The following CTNNA3 variants were observed in gnomAD, a reference collection of about 807,000 sequenced individuals.
The protein encoded by CTNNA3 is catenin alpha-3.
In CTNNA3, 76 loss-of-function variants were observed where a neutral mutation model predicts 95.7. The ratio of observed to expected loss-of-function variants is 0.79; its 90% CI spans 0.66 to 0.96. CTNNA3 has a LOEUF of 0.96. Among genes scored for constraint, CTNNA3 ranks in the 40% least tolerant of loss-of-function variants. The pLI, the probability that CTNNA3 is intolerant of heterozygous loss-of-function variation, is 0.00. For synonymous variants in CTNNA3, 431 were observed against 374.4 expected (o/e 1.15, Z -1.74); for missense variants, 1,191 against 1,089.8 (o/e 1.09, Z -1.31).
chr10:67,067,865 C>T (rs1228869704), intron 7 of CTNNA3, among the ~76,000 whole-genome samples: 2 of 152,088 alleles, frequency 1.3e-5, no homozygotes, highest in African/African-American at 4.8e-5. Context: ...ATATGACAAA[C>T]GCTTGGCTGA....
chr10:67,516,683 G>A (rs1839827449), intron 5 of CTNNA3, among the ~76,000 whole-genome samples: 1 of 152,060 alleles, frequency 6.6e-6, no homozygotes, highest in Non-Finnish European at 1.5e-5. Context: ...ATCATCACTC[G>A]TGCTGTTTAT....
intron 5 of CTNNA3, among the ~76,000 whole-genome samples, chr10:67,444,637 G>A (rs919760195): frequency 6.6e-6 from 1 of 151,822 alleles, no homozygotes; most frequent in East Asian, 1.9e-4. Flanking sequence ...AAACAAAATT[G>A]ACAAACTTTT....
chr10:67,352,282 C>T (rs1335961547), intron 5 of CTNNA3, among the ~76,000 whole-genome samples: 1 of 151,880 alleles, frequency 6.6e-6, no homozygotes, highest in African/African-American at 2.4e-5. Flanking sequence ...AAATAGAAAG[C>T]TGCATGATTT....
chr10:66,752,231 T>TAAAC (rs1343353901), intron 9 of CTNNA3, among the ~76,000 whole-genome samples: 1 of 152,060 alleles, frequency 6.6e-6, no homozygotes, highest in Non-Finnish European at 1.5e-5. Context: ...CAATCTTGAA[T>TAAAC]AAATGGTAGA....
chr10:67,119,451 C>T (rs771117255), intron 7 of CTNNA3, among the ~76,000 whole-genome samples: 5 of 151,744 alleles, frequency 3.3e-5, no homozygotes, highest in South Asian at 2.1e-4. Flanking sequence ...AGACTTGCAG[C>T]GAAAAGCAAA....
chr10:66,135,233 C>G (rs1028897391), intron 13 of CTNNA3, among the ~76,000 whole-genome samples: 1 of 152,086 alleles, frequency 6.6e-6, no homozygotes, highest in Non-Finnish European at 1.5e-5. Context: ...TTCTTCACTA[C>G]AAGGAACTAG....
intron 5 of CTNNA3, among the ~76,000 whole-genome samples, chr10:67,390,447 T>A (rs1451645740): frequency 6.6e-6 from 1 of 152,112 alleles, no homozygotes; most frequent in Non-Finnish European, 1.5e-5. Context: ...CAGGACCAGA[T>A]GTATTCACAG....
chr10:66,617,580 T>A (rs1844568531), intron 10 of CTNNA3, among the ~76,000 whole-genome samples: 1 of 152,094 alleles, frequency 6.6e-6, no homozygotes, highest in Admixed American at 6.6e-5. Context: ...AAGAGCTATC[T>A]ATGACAAACC....
rs1055592964 is a variant in CTNNA3, at chr10:66,237,013, T to C, written c.1884+43457A>G. Among the ~76,000 whole-genome samples the C allele has an allele frequency of 7.2e-5, 11 of 152,108 alleles. No individual in the cohort carries two copies. In the East Asian group the frequency reaches 1.9e-3, roughly 27 times the overall value. On this transcript the variant is annotated intron_variant, in intron 13 of 17. Coordinates refer to ENST00000433211, the MANE Select transcript of CTNNA3 (RefSeq NM_013266.4). ...GCATGGTGATCCACACCTGTATTCTTAGCTACTCAGGAAGCTAAGGCAAGA... is the reference window on the plus strand; with the variant it reads ...GCATGGTGATCCACACCTGTATTCTCAGCTACTCAGGAAGCTAAGGCAAGA...
intron 5 of CTNNA3, among the ~76,000 whole-genome samples, chr10:67,354,463 T>C (rs1332443418): frequency 3.9e-5 from 6 of 152,054 alleles, no homozygotes; most frequent in Non-Finnish European, 7.4e-5. Flanking sequence ...AATTATTCAT[T>C]TACATTTTTT....
intron 9 of CTNNA3, among the ~76,000 whole-genome samples, chr10:66,671,304 T>C (rs1295093209): frequency 6.6e-6 from 1 of 152,178 alleles, no homozygotes; most frequent in Non-Finnish European, 1.5e-5. Context: ...ATTAATTTTG[T>C]ACAATTGCTG....
chr10:67,564,542 G>A, intron 3 of CTNNA3, among the ~76,000 whole-genome samples: 1 of 144,094 alleles, frequency 6.9e-6, no homozygotes. Flanking sequence ...TACCTAATGT[G>A]AATGATGAGT....
intron 13 of CTNNA3, among the ~76,000 whole-genome samples, chr10:66,181,357 C>G (rs2086027817): frequency 6.6e-6 from 1 of 152,162 alleles, no homozygotes; most frequent in African/African-American, 2.4e-5. Flanking sequence ...AAATGTAACA[C>G]AGTTTCAGAA....
At chr10:67,378,422 C>A (rs1251824620) in intron 5 of CTNNA3, among the ~76,000 whole-genome samples, 1 of 152,080 alleles carries the variant, frequency 6.6e-6, no homozygotes, top group South Asian at 2.1e-4. Context: ...GTGTAGAACA[C>A]TATTAACAAA....
intron 12 of CTNNA3, among the ~76,000 whole-genome samples, chr10:66,300,725 G>GA (rs201261425): frequency 6.3e-4 from 92 of 146,624 alleles, no homozygotes; most frequent in African/African-American, 1.4e-3. Context: ...GTATATATGA[G>GA]AAAAAAAAAA....
chr10:67,175,686 C>A (rs1048605001), intron 7 of CTNNA3, among the ~76,000 whole-genome samples: 1 of 152,120 alleles, frequency 6.6e-6, no homozygotes, highest in African/African-American at 2.4e-5. Flanking sequence ...CCCCTATAGT[C>A]ATGTATCACC....
chr10:66,256,531 C>A (rs1391475491), intron 13 of CTNNA3, among the ~76,000 whole-genome samples: 1 of 151,936 alleles, frequency 6.6e-6, no homozygotes, highest in African/African-American at 2.4e-5. Flanking sequence ...ACCAGCCTGG[C>A]CAACATGGAG....
intron 7 of CTNNA3, among the ~76,000 whole-genome samples, chr10:67,135,390 AC>A (rs1229019746): frequency 6.6e-6 from 1 of 152,172 alleles, no homozygotes; most frequent in Non-Finnish European, 1.5e-5. Context: ...CAATGGACAT[AC>A]AGGTAAGTCA....
chr10:66,590,057 G>A (rs1843495989), intron 10 of CTNNA3, among the ~76,000 whole-genome samples: 1 of 152,044 alleles, frequency 6.6e-6, no homozygotes, highest in Non-Finnish European at 1.5e-5. Flanking sequence ...TAATATTGAA[G>A]TTTGTGAACT....
Sources: allele counts gnomAD v4.1 joint callset (sites outside exome capture counted in the v4.1 genomes callset), GRCh38; gene constraint gnomAD v4.1.1; transcripts MANE v1.5; gene names NCBI Gene and HGNC (gene_info 2026-07-23, HGNC 2026-07-21).